The following FNDC3A variants were observed in gnomAD, a reference collection of about 807,000 sequenced individuals.
FNDC3A encodes fibronectin type III domain containing 3A.
Under a neutral mutation model 148.9 loss-of-function variants are expected in FNDC3A, and 32 were observed. The observed-to-expected ratio is 0.21, with a 90% CI of 0.16 to 0.29. FNDC3A has a LOEUF of 0.29. Ranked by LOEUF, FNDC3A falls within the 10% of genes least tolerant of loss-of-function variation. The probability of loss-of-function intolerance (pLI) is 1.00; values close to 1 mark genes in which losing one functional copy is unlikely to be tolerated. For synonymous variants in FNDC3A, 472 were observed against 473.6 expected, an observed-to-expected ratio of 1.00 and a Z score of 0.04; for missense variants, 1,191 against 1,452.8, an observed-to-expected ratio of 0.82 and a Z score of 2.93.
At chr13:49,056,477 G>T (rs1876251967) in intron 2 of FNDC3A, among the ~76,000 whole-genome samples, 1 of 152,008 alleles carries the variant, frequency 6.6e-6, no homozygotes. Context: ...TCCTGATTTT[G>T]AGAATTCATG....
intron 4 of FNDC3A, among the ~76,000 whole-genome samples, chr13:49,130,514 G>A (rs923413072): frequency 6.6e-6 from 1 of 151,892 alleles, no homozygotes; most frequent in Admixed American, 6.6e-5. Flanking sequence ...TGAACCTCTT[G>A]TGTCTAAACC....
chr13:49,026,252 G>T (rs1168451476), intron 2 of FNDC3A, among the ~76,000 whole-genome samples: 2 of 152,124 alleles, frequency 1.3e-5, no homozygotes, highest in Non-Finnish European at 2.9e-5. Flanking sequence ...ATGTATATAA[G>T]CATGCGTATG....
intron 2 of FNDC3A, among the ~76,000 whole-genome samples, chr13:49,074,237 C>G (rs1462749573): frequency 6.6e-6 from 1 of 152,106 alleles, no homozygotes; most frequent in Non-Finnish European, 1.5e-5. Flanking sequence ...TCACACTCCC[C>G]TCTCCTCACC....
At chr13:49,071,072 T>TTC (rs1280805822) in intron 2 of FNDC3A, among the ~76,000 whole-genome samples, 2 of 142,172 alleles carry the variant, frequency 1.4e-5, no homozygotes, top group African/African-American at 5.2e-5. Context: ...TTTTTTTTTT[T>TTC]TTTTTTTTGT....
chr13:49,134,692 A>C (rs1882226312), intron 5 of FNDC3A, among the ~76,000 whole-genome samples: 1 of 151,058 alleles, frequency 6.6e-6, no homozygotes, highest in South Asian at 2.1e-4. Flanking sequence ...GATTGTAGGC[A>C]TCCTGAATAA....
intron 2 of FNDC3A, among the ~76,000 whole-genome samples, chr13:49,048,729 G>C (rs950864089): frequency 9.2e-5 from 14 of 152,070 alleles, no homozygotes; most frequent in African/African-American, 3.4e-4. Context: ...GAGTCATTAG[G>C]GTTTTCTAGG....
chr13:49,006,702 C>G (rs1016219358), intron 2 of FNDC3A, among the ~76,000 whole-genome samples: 1 of 151,958 alleles, frequency 6.6e-6, no homozygotes, highest in African/African-American at 2.4e-5. Context: ...AGTAAATACA[C>G]AATCCCTGAA....
At chr13:49,045,790 C>CTTTT (rs11316518) in intron 2 of FNDC3A, 7 of 162,536 alleles carry the variant, frequency 4.3e-5, no homozygotes, top group South Asian at 2.6e-4. Context: ...AATGACAGTC[C>CTTTT]TTTTTTTTTT....
chr13:49,073,379 C>A (rs1221610580), intron 2 of FNDC3A, among the ~76,000 whole-genome samples: 1 of 151,934 alleles, frequency 6.6e-6, no homozygotes, highest in Non-Finnish European at 1.5e-5. Context: ...ACATAACAAT[C>A]AAAGAAGGAT....
At chr13:49,145,371 G>A (rs554837733) in intron 7 of FNDC3A, among the ~76,000 whole-genome samples, 1 of 152,220 alleles carries the variant, frequency 6.6e-6, no homozygotes, top group African/African-American at 2.4e-5. Context: ...CATTTTATAT[G>A]TTGTCCATTT....
Position 49,175,532 on chromosome 13 carries a change from A to G in FNDC3A, c.1521A>G (p.Glu507=), listed in dbSNP as rs766287402. 3.7e-6 allele frequency: 6 copies of G among 1,603,642 alleles called. No individual in the cohort carries two copies. In the African/African-American group the frequency reaches 8.0e-5, roughly 21 times the overall value. Residue 507 remains glutamate (E), a synonymous_variant, in exon 13 of 26, where the codon GAA becomes GAG. Coordinates refer to ENST00000492622, the MANE Select transcript of FNDC3A (RefSeq NM_001079673.2). ...EGISYILEME[E]ETSGYGFKPK... is the part of the protein sequence containing the mutation. ...TTTCTTACATTTTAGAGATGGAGGA[A>G]GAAACTTCAGTAAGTGCAAATATGG...
intron 2 of FNDC3A, among the ~76,000 whole-genome samples, chr13:49,021,893 T>A (rs78591454): frequency 9.2e-4 from 140 of 152,316 alleles, no homozygotes; most frequent in African/African-American, 3.2e-3. Flanking sequence ...CATTTTATAT[T>A]TTTATATTGA....
chr13:48,984,896 A>G (rs191042708), intron 1 of FNDC3A, among the ~76,000 whole-genome samples: 11 of 152,100 alleles, frequency 7.2e-5, no homozygotes, highest in Non-Finnish European at 1.6e-4. Context: ...TGTTGTCCAG[A>G]TGGTCTCGAT....
chr13:49,186,421 C>T (rs1885574025), intron 15 of FNDC3A, among the ~76,000 whole-genome samples: 1 of 152,186 alleles, frequency 6.6e-6, no homozygotes, highest in South Asian at 2.1e-4. Flanking sequence ...GAAAACCATT[C>T]ATTTAAAACA....
intron 2 of FNDC3A, among the ~76,000 whole-genome samples, chr13:49,049,085 T>G (rs1317506598): frequency 2.0e-5 from 3 of 152,164 alleles, no homozygotes; most frequent in African/African-American, 4.8e-5. Flanking sequence ...GATTTTTGTT[T>G]TTAATTTTAT....
At chr13:48,994,295 T>G (rs1330841883) in intron 1 of FNDC3A, among the ~76,000 whole-genome samples, 1 of 152,214 alleles carries the variant, frequency 6.6e-6, no homozygotes, top group African/African-American at 2.4e-5. Context: ...TTTAAAGACA[T>G]GGCAAATAGT....
chr13:48,983,181 A>T (rs190220337), intron 1 of FNDC3A, among the ~76,000 whole-genome samples: 260 of 152,360 alleles, frequency 1.7e-3, no homozygotes, highest in African/African-American at 6.1e-3. Context: ...ATATGTAAAT[A>T]AATACATATT....
intron 2 of FNDC3A, among the ~76,000 whole-genome samples, chr13:49,050,491 T>A (rs1875755649): frequency 6.6e-6 from 1 of 152,238 alleles, no homozygotes; most frequent in Non-Finnish European, 1.5e-5. Flanking sequence ...TTTATTCCAC[T>A]GTGGTCTGAG....
At chr13:49,123,454 C>T (rs1221975977) in intron 4 of FNDC3A, among the ~76,000 whole-genome samples, 4 of 151,872 alleles carry the variant, frequency 2.6e-5, no homozygotes, top group Admixed American at 2.0e-4. Context: ...ACTTCATGAC[C>T]AAACACCAAA....
Sources: allele counts gnomAD v4.1 joint callset (sites outside exome capture counted in the v4.1 genomes callset), GRCh38; gene constraint gnomAD v4.1.1; transcripts MANE v1.5; gene names NCBI Gene and HGNC (gene_info 2026-07-23, HGNC 2026-07-21).